The following KIF13B variants were observed in gnomAD, a reference collection of about 807,000 sequenced individuals.
The protein encoded by KIF13B is kinesin family member 13B, also known as kinesin-like protein KIF13B.
Under a neutral mutation model 222.0 loss-of-function variants are expected in KIF13B, and 127 were observed. That is an observed-to-expected ratio of 0.57 (90% CI 0.50 to 0.66). The LOEUF is 0.66. KIF13B is among the 30% of genes least tolerant of loss of function. KIF13B has a pLI of 0.00. For synonymous variants in KIF13B, 976 were observed against 919.0 expected (o/e 1.06, Z -1.12); for missense variants, 2,173 against 2,379.0 (o/e 0.91, Z 1.80).
At chr8:29,185,198 T>C (rs1812874561) in intron 6 of KIF13B, among the ~76,000 whole-genome samples, 1 of 152,166 alleles carries the variant, frequency 6.6e-6, no homozygotes, top group Non-Finnish European at 1.5e-5. Context: ...GAGAGGTTGT[T>C]CCCTACACCT....
At chr8:29,186,720 A>G (rs937866212) in intron 5 of KIF13B, among the ~76,000 whole-genome samples, 11 of 152,086 alleles carry the variant, frequency 7.2e-5, no homozygotes, top group Admixed American at 7.2e-4. Context: ...GCACTTTGGG[A>G]GGCTGAGGTG....
intron 1 of KIF13B, among the ~76,000 whole-genome samples, chr8:29,251,104 T>A (rs961761101): frequency 4.6e-5 from 7 of 150,688 alleles, no homozygotes; most frequent in African/African-American, 1.7e-4. Flanking sequence ...TGAGCCGAGA[T>A]CACACCTCTG....
At chr8:29,126,900 G>T (rs1383210844) in intron 25 of KIF13B, among the ~76,000 whole-genome samples, 1 of 152,148 alleles carries the variant, frequency 6.6e-6, no homozygotes, top group Non-Finnish European at 1.5e-5. Context: ...TGAAGGCTGA[G>T]ACGTTTTAAC....
chr8:29,127,352 T>A lies in KIF13B; in HGVS notation c.3076-84A>T, dbSNP rs933011464. ...TTAGAGAGACCCCTACAGGCTGATG[T>A]TGAGAAAAATGTTTAATTCAGACAC... On this transcript the variant is annotated intron_variant, in intron 24 of 39. Coordinates refer to ENST00000524189, the MANE Select transcript of KIF13B (RefSeq NM_015254.4). The A allele has an allele frequency of 5.9e-6, 7 of 1,184,186 alleles. No homozygotes were observed. The African/African-American group carries it at 9.1e-5, about 15-fold the overall frequency. 73.4% of individuals were successfully genotyped at this position (1,184,186 alleles called of 1,614,324 possible). A position where few individuals can be genotyped will look rare whatever the true frequency, so the allele number is the denominator to read the frequency against.
At chr8:29,140,776 C>A in intron 19 of KIF13B, 159 bp from the exon 20 acceptor site, 1 of 666,050 alleles carries the variant, frequency 1.5e-6, no homozygotes, top group Non-Finnish European at 2.5e-6. Context: ...TTTGCTAAAG[C>A]ACAGCGCTGT....
chr8:29,171,817 G>A lies in KIF13B; in HGVS notation c.946-4232C>T, dbSNP rs1299445260. ...CTGTCGCCCAGGCTGGAGTGCAGTG[G>A]CATGGTCTTGGCTCACTGCAACCTC... On this transcript the variant is annotated intron_variant, in intron 10 of 39. Coordinates refer to ENST00000524189, the MANE Select transcript of KIF13B (RefSeq NM_015254.4). Among the ~76,000 whole-genome samples the A allele has an allele frequency of 2.7e-5, 4 of 147,926 alleles. No individual in the cohort carries two copies. In the East Asian group the frequency reaches 7.9e-4, roughly 29 times the overall value.
At chr8:29,171,856 C>T (rs1347476251) in intron 10 of KIF13B, among the ~76,000 whole-genome samples, 3 of 146,414 alleles carry the variant, frequency 2.0e-5, no homozygotes, top group African/African-American at 7.6e-5. Flanking sequence ...CTCCTGGGTA[C>T]AATCGATTCT....
rs772658959 is a variant in KIF13B at position 29,142,236 on chromosome 8, G to A, written c.2255C>T (p.Ser752Phe). 4 of 1,613,544 alleles carry A rather than the reference G, an allele frequency of 2.5e-6. No homozygotes were observed. The highest frequency in any genetic ancestry group is 1.1e-5 in the South Asian group (1 of 91,068). ...RRKGKGKQIW[S>F]LEKLDNRLLD... is the part of the protein sequence containing the mutation. ...CAGCCTGTTGTCCAGTTTTTCCAAA[G>A]ACCAAATCTGCTTTCCTTTTCCTTT... The change falls in exon 19 of 40, where the codon TCT becomes TTT. Residue 752 changes from serine (S) to phenylalanine (F), a missense_variant. By Grantham distance (155) the Ser-to-Phe change is radical (BLOSUM62 -2). This residue lies in a region of KIF13B where 1,480 missense variants were observed against 1,722.8 expected (regional missense o/e 0.86). Transcript: ENST00000524189.
At chr8:29,216,286 T>A (rs1296171179) in intron 2 of KIF13B, among the ~76,000 whole-genome samples, 1 of 152,188 alleles carries the variant, frequency 6.6e-6, no homozygotes, top group Non-Finnish European at 1.5e-5. Context: ...GATTCAAACC[T>A]AGGTCTCTCA....
chr8:29,226,951 T>C (rs550077868), intron 2 of KIF13B, among the ~76,000 whole-genome samples: 14 of 152,184 alleles, frequency 9.2e-5, no homozygotes, highest in East Asian at 1.9e-4. Flanking sequence ...ACTGCAAAAA[T>C]TGCAACCTCA....
intron 1 of KIF13B, among the ~76,000 whole-genome samples, chr8:29,261,080 AAG>A (rs1278086714): frequency 6.6e-6 from 1 of 152,198 alleles, no homozygotes. Context: ...TCACTGAAAA[AAG>A]AAGTCCACAT....
chr8:29,257,367 C>G (rs911302308), intron 1 of KIF13B, among the ~76,000 whole-genome samples: 12 of 151,722 alleles, frequency 7.9e-5, no homozygotes, highest in Non-Finnish European at 1.8e-4. Flanking sequence ...CATGCTCTGC[C>G]AAACACAAGG....
Position 29,116,084 on chromosome 8 carries a change from T to G in KIF13B, c.3837+747A>C, listed in dbSNP as rs74564371. 3.2e-3 allele frequency among the ~76,000 whole-genome samples: 495 copies of G among 152,336 alleles called. 3 individuals are homozygous for G. The highest frequency in any genetic ancestry group is 0.011 in the African/African-American group (470 of 41,574). ...TTAAGGACACAGACTTCTTTTTGTT[T>G]CTTTTTTGAGATGCATCGCCCAGAC... On this transcript the variant is annotated intron_variant, in intron 31 of 39. Transcript: ENST00000524189.
At chr8:29,171,152 T>C (rs578154447) in intron 10 of KIF13B, among the ~76,000 whole-genome samples, 54 of 152,326 alleles carry the variant, frequency 3.5e-4, no homozygotes, top group African/African-American at 9.9e-4. Context: ...AGATACTCAT[T>C]ATCTGAGCAC....
chr8:29,085,871 A>AAAAAG (rs1808030664), intron 37 of KIF13B, among the ~76,000 whole-genome samples: 1 of 150,534 alleles, frequency 6.6e-6, no homozygotes, highest in South Asian at 2.1e-4. Context: ...AAAAAAAAAA[A>AAAAAG]AGAGTACCTT....
intron 2 of KIF13B, among the ~76,000 whole-genome samples, chr8:29,206,347 A>G (rs1454737858): frequency 1.3e-5 from 2 of 152,240 alleles, no homozygotes; most frequent in African/African-American, 2.4e-5. Flanking sequence ...GTTAGATGCC[A>G]TCATTATTGT....
At chr8:29,091,844 T>G (rs1353258038) in intron 37 of KIF13B, among the ~76,000 whole-genome samples, 1 of 152,246 alleles carries the variant, frequency 6.6e-6, no homozygotes. Flanking sequence ...AATTGTTTCA[T>G]CTACTGTATG....
chr8:29,251,237 C>T (rs529771008), intron 1 of KIF13B, among the ~76,000 whole-genome samples: 2 of 152,020 alleles, frequency 1.3e-5, no homozygotes, highest in Admixed American at 1.3e-4. Flanking sequence ...CAAAAAACAC[C>T]TATCAAAAAT....
In KIF13B at chr8:29,094,970, T is replaced by TAA. The variant is rs34939158; in HGVS notation, c.4325-2094_4325-2093dup. Among the ~76,000 whole-genome samples the TAA allele has an allele frequency of 1.1e-3, 149 of 137,800 alleles. No homozygotes were observed. In the South Asian group the frequency reaches 0.015, roughly 14 times the overall value. The allele number at this position is 137,800 out of a possible 152,430, so 90.4% of individuals were successfully genotyped here. On this transcript the variant is annotated intron_variant, in intron 36 of 39. Transcript: ENST00000524189. ...ATCCAACTAGAAAAAATAAAAAGATTAAAAAAAAAAAAAAGAACAGAGCCT... is the reference window on the plus strand; with the variant it reads ...ATCCAACTAGAAAAAATAAAAAGATTAAAAAAAAAAAAAAAAGAACAGAGCCT...
Sources: allele counts gnomAD v4.1 joint callset (sites outside exome capture counted in the v4.1 genomes callset), GRCh38; gene constraint gnomAD v4.1.1; regional missense constraint gnomAD v4.1.1; transcripts MANE v1.5; gene names NCBI Gene and HGNC (gene_info 2026-07-23, HGNC 2026-07-21).